The following GALNTL6 variants were observed in gnomAD, a reference collection of about 807,000 sequenced individuals.
GALNTL6 encodes polypeptide N-acetylgalactosaminyltransferase-like 6.
A neutral mutation model predicts 73.7 loss-of-function variants in GALNTL6; 46 were observed. The ratio of observed to expected loss-of-function variants is 0.62; its 90% CI spans 0.49 to 0.80. The LOEUF (loss-of-function observed/expected upper bound fraction) is 0.80, where lower values mean the gene tolerates loss of function less well. Ranked by LOEUF, GALNTL6 falls within the 30% of genes least tolerant of loss-of-function variation. The pLI is 0.00. For synonymous variants in GALNTL6, 259 were observed against 263.7 expected (o/e 0.98, Z 0.17); for missense variants, 604 against 755.0 (o/e 0.80, Z 2.34).
chr4:171,914,180 T>C (rs1280693599), intron 2 of GALNTL6, among the ~76,000 whole-genome samples: 4 of 152,122 alleles, frequency 2.6e-5, no homozygotes, highest in Non-Finnish European at 5.9e-5. Flanking sequence ...AGGTAAGTAA[T>C]AAAACACCCC....
intron 4 of GALNTL6, among the ~76,000 whole-genome samples, chr4:172,318,182 G>A (rs1436297257): frequency 2.0e-5 from 3 of 152,104 alleles, no homozygotes; most frequent in Non-Finnish European, 4.4e-5. Flanking sequence ...TAGTACATAA[G>A]TTCTCAGGGT....
chr4:172,101,992 A>T (rs1324239306), intron 2 of GALNTL6, among the ~76,000 whole-genome samples: 1 of 152,140 alleles, frequency 6.6e-6, no homozygotes, highest in African/African-American at 2.4e-5. Flanking sequence ...AAAAGAAAGC[A>T]TTATAAACTA....
At position 172,567,991 on chromosome 4, in the gene GALNTL6, A is replaced by C. The variant is rs567715208; in HGVS notation, c.553+219302A>C. On this transcript the variant is annotated intron_variant, in intron 5 of 12. Transcript: ENST00000506823. Reference sequence around the variant, plus strand: ...ATTTAAACATTTCCTTAGTTGATATAGATAACTAAAAATACGAATTCAGGA... The same window carrying C: ...ATTTAAACATTTCCTTAGTTGATATCGATAACTAAAAATACGAATTCAGGA... Among the ~76,000 whole-genome samples, 5 of 152,338 alleles carry C rather than the reference A, an allele frequency of 3.3e-5. No homozygotes were observed. The East Asian group carries it at 9.6e-4, about 29-fold the overall frequency.
At chr4:172,594,942 G>T (rs1286733174) in intron 5 of GALNTL6, among the ~76,000 whole-genome samples, 1 of 152,186 alleles carries the variant, frequency 6.6e-6, no homozygotes, top group Non-Finnish European at 1.5e-5. Flanking sequence ...CACATTTTTA[G>T]AGGTTAAGAA....
intron 5 of GALNTL6, among the ~76,000 whole-genome samples, chr4:172,704,404 A>G (rs1734203993): frequency 2.6e-5 from 4 of 151,618 alleles, no homozygotes; most frequent in East Asian, 3.9e-4. Context: ...TCCATTTTCT[A>G]TGGTTTCAAA....
chr4:172,589,692 C>A (rs1737558951), intron 5 of GALNTL6, among the ~76,000 whole-genome samples: 1 of 152,194 alleles, frequency 6.6e-6, no homozygotes, highest in African/African-American at 2.4e-5. Context: ...TTATTGTGTG[C>A]AACACAGAAT....
chr4:172,025,050 C>G (rs934677871), intron 2 of GALNTL6, among the ~76,000 whole-genome samples: 2 of 151,938 alleles, frequency 1.3e-5, no homozygotes, highest in Non-Finnish European at 2.9e-5. Context: ...AGGTGACCCT[C>G]AATGCTTCAC....
intron 5 of GALNTL6, among the ~76,000 whole-genome samples, chr4:172,414,070 A>G (rs1239072450): frequency 6.6e-6 from 1 of 152,076 alleles, no homozygotes; most frequent in Non-Finnish European, 1.5e-5. Flanking sequence ...ATTATTTCTT[A>G]TTCCATTTGT....
intron 5 of GALNTL6, among the ~76,000 whole-genome samples, chr4:172,364,013 T>C (rs1742468385): frequency 6.6e-6 from 1 of 152,182 alleles, no homozygotes; most frequent in Admixed American, 6.5e-5. Flanking sequence ...TCTGTTATGT[T>C]ATTCCCACTT....
At chr4:172,257,570 T>G (rs555760197) in intron 3 of GALNTL6, among the ~76,000 whole-genome samples, 1 of 151,532 alleles carries the variant, frequency 6.6e-6, no homozygotes, top group Non-Finnish European at 1.5e-5. Flanking sequence ...ACAGTCCTAC[T>G]TTTTCCTATT....
At chr4:172,239,758 G>A (rs1737357919) in intron 3 of GALNTL6, among the ~76,000 whole-genome samples, 1 of 151,988 alleles carries the variant, frequency 6.6e-6, no homozygotes, top group Admixed American at 6.6e-5. Context: ...TGCGTTGTGT[G>A]GTTAATTTTA....
chr4:173,011,533 C>T (rs1752553373), intron 11 of GALNTL6, among the ~76,000 whole-genome samples: 2 of 152,112 alleles, frequency 1.3e-5, no homozygotes, highest in African/African-American at 2.4e-5. Context: ...GATTTTTGTA[C>T]ATGACAAGAG....
chr4:172,426,649 G>A (rs1731241140), intron 5 of GALNTL6, among the ~76,000 whole-genome samples: 1 of 152,136 alleles, frequency 6.6e-6, no homozygotes, highest in Non-Finnish European at 1.5e-5. Context: ...TTTGTAACAA[G>A]CTGTCTGCCA....
At chr4:172,346,457 G>A (rs923655222) in intron 4 of GALNTL6, among the ~76,000 whole-genome samples, 23 of 152,262 alleles carry the variant, frequency 1.5e-4, no homozygotes, top group Middle Eastern at 3.4e-3. Flanking sequence ...TTACCAAGTC[G>A]TGTGAATTCT....
At chr4:172,904,375 T>A (rs759155974) in intron 8 of GALNTL6, among the ~76,000 whole-genome samples, 2 of 152,210 alleles carry the variant, frequency 1.3e-5, no homozygotes, top group Admixed American at 6.5e-5. Context: ...AGTCTAATAA[T>A]AGAGACAGGA....
chr4:172,909,980 T>C (rs1747113409), intron 8 of GALNTL6, among the ~76,000 whole-genome samples: 4 of 151,958 alleles, frequency 2.6e-5, no homozygotes, highest in African/African-American at 7.2e-5. Context: ...TTTACTAGTA[T>C]GGAATAATAT....
chr4:172,119,359 G>C (rs1733083317), intron 2 of GALNTL6, among the ~76,000 whole-genome samples: 1 of 152,060 alleles, frequency 6.6e-6, no homozygotes. Flanking sequence ...TGAAAAAACT[G>C]AATGGACTCA....
At chr4:172,314,670 C>T (rs114077040) in intron 4 of GALNTL6, among the ~76,000 whole-genome samples, 2,589 of 124,920 alleles carry the variant, frequency 0.021, 84 homozygotes, top group African/African-American at 0.076. Context: ...GGCAATGATG[C>T]GATCTTGGCT....
intron 2 of GALNTL6, among the ~76,000 whole-genome samples, chr4:172,033,452 T>C (rs554765385): frequency 1.3e-5 from 2 of 152,126 alleles, no homozygotes; most frequent in Admixed American, 6.6e-5. Flanking sequence ...ACTAAAAAAT[T>C]AGAATGTCTG....
Sources: gnomAD v4.1 joint callset for allele counts (sites outside exome capture counted in the v4.1 genomes callset) on GRCh38, gnomAD v4.1.1 for gene constraint, MANE v1.5 for transcripts, NCBI Gene and HGNC (gene_info 2026-07-23, HGNC 2026-07-21) for gene names.